Variants in ZC4H2 observed in about 807,000 individuals in gnomAD.
ZC4H2 encodes zinc finger C4H2 domain-containing protein.
For missense variants in ZC4H2, 137 were observed against 173.9 expected (o/e 0.79, Z 1.19); for synonymous variants, 84 against 66.3 (o/e 1.27, Z -1.30).
At chrX:64,933,981 G>A (rs187140175) in intron 1 of ZC4H2, among the ~76,000 whole-genome samples, 1 of 111,549 alleles carries the variant, frequency 9.0e-6, no homozygotes, top group Non-Finnish European at 1.9e-5. Context: ...TTTTATAAGG[G>A]TGAAGAGTGG....
intron 4 of ZC4H2, 84 bp downstream of exon 4, chrX:64,918,958 G>A: frequency 9.2e-7 from 1 of 1,087,084 alleles, no homozygotes; most frequent in South Asian, 2.5e-5. Flanking sequence ...CATAAATAAA[G>A]CCAAAGACCC....
intron 1 of ZC4H2, among the ~76,000 whole-genome samples, chrX:64,992,362 T>A (rs985207107): frequency 6.3e-5 from 7 of 111,528 alleles, no homozygotes; most frequent in Non-Finnish European, 1.3e-4. Context: ...ACACGTCTGC[T>A]AAGATTGTAG....
intron 1 of ZC4H2, 34 bp from the exon 2 acceptor site, chrX:64,922,022 A>G (rs748440162): frequency 2.0e-4 from 244 of 1,199,103 alleles, no homozygotes; most frequent in Non-Finnish European, 2.7e-4. Context: ...ACAGGCCAGC[A>G]AAAGAAGGGA....
chrX:64,956,049 T>C (rs758112373), intron 1 of ZC4H2, among the ~76,000 whole-genome samples: 1 of 111,906 alleles, frequency 8.9e-6, no homozygotes, highest in Non-Finnish European at 1.9e-5. Flanking sequence ...TCCCTCATGA[T>C]AGGCTCTATA....
At chrX:64,926,395 C>A (rs1929422701) in intron 1 of ZC4H2, among the ~76,000 whole-genome samples, 1 of 111,565 alleles carries the variant, frequency 9.0e-6, no homozygotes, top group Admixed American at 9.5e-5. Flanking sequence ...TTTATGGTAA[C>A]CATAAGTTTT....
At chrX:64,949,223 T>TCCTTTCATGCA (rs1184225053) in intron 1 of ZC4H2, among the ~76,000 whole-genome samples, 1 of 111,907 alleles carries the variant, frequency 8.9e-6, no homozygotes, top group Non-Finnish European at 1.9e-5. Context: ...CATGCAATAG[T>TCCTTTCATGCA]AAAGGACAAT....
chrX:65,003,263 T>C (rs902976210), intron 1 of ZC4H2, among the ~76,000 whole-genome samples: 2 of 111,468 alleles, frequency 1.8e-5, no homozygotes, highest in Non-Finnish European at 3.8e-5. Flanking sequence ...TACCAGATTC[T>C]CTAGGACAAA....
chrX:64,981,483 G>A (rs1468200944), intron 1 of ZC4H2, among the ~76,000 whole-genome samples: 1 of 110,834 alleles, frequency 9.0e-6, no homozygotes, highest in East Asian at 2.8e-4. Context: ...GCACAGAACT[G>A]ATATGATTAG....
chrX:64,961,630 TAA>T (rs956272032), intron 1 of ZC4H2, among the ~76,000 whole-genome samples: 2 of 104,892 alleles, frequency 1.9e-5, no homozygotes, highest in Non-Finnish European at 2.0e-5. Flanking sequence ...TTAATGCAAC[TAA>T]GAGGGTTTTT....
chrX:65,015,062 C>A (rs905845523), intron 1 of ZC4H2, among the ~76,000 whole-genome samples: 7 of 111,572 alleles, frequency 6.3e-5, no homozygotes, highest in African/African-American at 2.3e-4. Flanking sequence ...CTCTGCCACA[C>A]AGCATGTATC....
At chrX:64,954,228 T>A (rs767729521) in intron 1 of ZC4H2, among the ~76,000 whole-genome samples, 2 of 98,621 alleles carry the variant, frequency 2.0e-5, no homozygotes, top group South Asian at 9.3e-4. Context: ...AAATGACGAG[T>A]TAATGGGTGC....
At chrX:64,942,828 TC>T (rs1259968067) in intron 1 of ZC4H2, among the ~76,000 whole-genome samples, 1 of 111,993 alleles carries the variant, frequency 8.9e-6, no homozygotes, top group Admixed American at 9.5e-5. Context: ...TGATTTAGAA[TC>T]CTTTGGGTAT....
intron 1 of ZC4H2, among the ~76,000 whole-genome samples, chrX:65,018,834 T>G (rs1932814764): frequency 9.0e-6 from 1 of 111,182 alleles, no homozygotes; most frequent in Non-Finnish European, 1.9e-5. Context: ...TCTGGGACAC[T>G]CAAGCTTGGT....
intron 1 of ZC4H2, 109 bp downstream of exon 1, chrX:64,976,216 T>A (rs1266854088): frequency 1.1e-6 from 1 of 897,205 alleles, no homozygotes; most frequent in Non-Finnish European, 1.6e-6. Flanking sequence ...CTGTGGTGAA[T>A]GGGCCCCTTT....
intron 1 of ZC4H2, among the ~76,000 whole-genome samples, chrX:64,968,551 C>A (rs1931669414): frequency 9.0e-6 from 1 of 111,485 alleles, no homozygotes; most frequent in African/African-American, 3.3e-5. Flanking sequence ...GAGATGAAAT[C>A]TGTGGAATGT....
chrX:65,026,439 G>A (rs2001207), intron 1 of ZC4H2, among the ~76,000 whole-genome samples: 15,049 of 111,076 alleles, frequency 0.14, 2,455 homozygotes, highest in African/African-American at 0.46. Context: ...GGCCGGGTGC[G>A]GTGGCTCACG....
At chrX:64,950,399 T>A (rs1009534917) in intron 1 of ZC4H2, among the ~76,000 whole-genome samples, 4 of 111,480 alleles carry the variant, frequency 3.6e-5, no homozygotes, top group Non-Finnish European at 7.5e-5. Flanking sequence ...TTCCTGGATA[T>A]CCTTTTTAAC....
At chrX:64,970,477 G>A (rs1270140147) in intron 1 of ZC4H2, among the ~76,000 whole-genome samples, 1 of 99,512 alleles carries the variant, frequency 1.0e-5, no homozygotes, top group Non-Finnish European at 2.1e-5. Flanking sequence ...AAGGAAGAAG[G>A]GAGGAAGAGA....
Position 64,920,160 on chromosome X carries a change from G to A in ZC4H2, c.319C>T (p.His107Tyr). 8.3e-7 allele frequency: 1 copy of A among 1,211,617 alleles called. No homozygotes were observed. The highest frequency in any genetic ancestry group is 1.1e-6 in the Non-Finnish European group (1 of 895,412). The change falls in exon 3 of 5, where the codon CAT becomes TAT. Residue 107 changes from histidine (H) to tyrosine (Y), a missense_variant. Transcript: ENST00000374839. ...LHDEYKPLKE[H>Y]VDALRMTLGL... The stretch of plus-strand genomic sequence containing the variant: ...AGAGTCATGCGCAGGGCATCCACAT[G>A]TTCTTTCAGTGGCTTATACTCATCA...
Sources: allele counts gnomAD v4.1 joint callset (sites outside exome capture counted in the v4.1 genomes callset), GRCh38; gene constraint gnomAD v4.1.1; transcripts MANE v1.5; gene names NCBI Gene and HGNC (gene_info 2026-07-23, HGNC 2026-07-21).